The following UBR1 variants were observed in gnomAD, a reference collection of about 807,000 sequenced individuals.
UBR1 encodes the protein ubiquitin protein ligase E3 component n-recognin 1, also known as E3 ubiquitin-protein ligase UBR1.
In UBR1, 102 loss-of-function variants were observed where a neutral mutation model predicts 242.1. The observed-to-expected ratio is 0.42, with a 90% CI of 0.36 to 0.50. The LOEUF is 0.50. Ranked by LOEUF, UBR1 falls within the 20% of genes least tolerant of loss-of-function variation. The pLI is 0.01. For missense variants in UBR1, 1,772 were observed against 2,101.8 expected (o/e 0.84, Z 3.07); for synonymous variants, 675 against 684.8 (o/e 0.99, Z 0.22).
chr15:43,002,831 T>C (rs2032747127), intron 31 of UBR1, 127 bp from the exon 32 acceptor site: 1 of 1,155,418 alleles, frequency 8.7e-7, no homozygotes, highest in Non-Finnish European at 1.3e-6. Context: ...CTTTAGAACA[T>C]ACATGCAAAA....
chr15:42,974,485 C>T (rs954886190), intron 39 of UBR1, among the ~76,000 whole-genome samples: 2 of 152,152 alleles, frequency 1.3e-5, no homozygotes, highest in African/African-American at 4.8e-5. Flanking sequence ...ATAGTAAGTC[C>T]TAAGGTTGGG....
intron 30 of UBR1, among the ~76,000 whole-genome samples, chr15:43,004,200 G>A (rs1567121762): frequency 6.6e-6 from 1 of 152,012 alleles, no homozygotes; most frequent in Admixed American, 6.6e-5. Context: ...CATTATCTTG[G>A]TTATTTAAGT....
intron 40 of UBR1, among the ~76,000 whole-genome samples, chr15:42,968,566 C>A (rs569683204): frequency 6.6e-6 from 1 of 151,824 alleles, no homozygotes; most frequent in Admixed American, 6.6e-5. Context: ...ACGTGCAGAA[C>A]GTGCAGGTTT....
chr15:43,046,516 C>T (rs1009555210), intron 14 of UBR1, among the ~76,000 whole-genome samples: 4 of 151,902 alleles, frequency 2.6e-5, no homozygotes, highest in Non-Finnish European at 5.9e-5. Context: ...GAACCAAGAG[C>T]CTAGGTAGAG....
At position 43,096,399 on chromosome 15, in the gene UBR1, C is replaced by G. The variant is rs558260394; in HGVS notation, c.81+9543G>C. ...CTGGTCTCAAACTCCTGACCTTAGGCAATCCGCCCACCTCGGCCTCCCAAA... is the reference window on the plus strand; with the variant it reads ...CTGGTCTCAAACTCCTGACCTTAGGGAATCCGCCCACCTCGGCCTCCCAAA... On this transcript the variant is annotated intron_variant, in intron 1 of 46. Coordinates refer to ENST00000290650, the MANE Select transcript of UBR1 (RefSeq NM_174916.3). Among the ~76,000 whole-genome samples, 84 of 152,174 alleles carry G rather than the reference C, an allele frequency of 5.5e-4. 1 individual carries two copies. Among genetic ancestry groups the G allele is most frequent in the Admixed American group, 1.2e-3 (18 of 15,286 alleles).
At chr15:42,984,049 T>A in intron 36 of UBR1, 56 bp from the exon 37 acceptor site, 1 of 1,398,702 alleles carries the variant, frequency 7.1e-7, no homozygotes, top group East Asian at 2.4e-5. Context: ...GAGACCTAAG[T>A]CATCCACTTA....
chr15:42,984,034 G>A (rs373289174), intron 36 of UBR1, 41 bp from the exon 37 acceptor site: 2 of 1,490,812 alleles, frequency 1.3e-6, no homozygotes, highest in Admixed American at 1.7e-5. Flanking sequence ...GATGAGGGAA[G>A]ATGAGAGACC....
At chr15:42,995,392 GCTCACGC>G (rs2032621213) in intron 33 of UBR1, among the ~76,000 whole-genome samples, 1 of 151,912 alleles carries the variant, frequency 6.6e-6, no homozygotes, top group African/African-American at 2.4e-5. Context: ...GGGCACGGTG[GCTCACGC>G]CTGTAATCCC....
At chr15:43,026,458 A>G in intron 23 of UBR1, 103 bp downstream of exon 23, 2 of 890,856 alleles carry the variant, frequency 2.2e-6, no homozygotes, top group African/African-American at 3.3e-5. Context: ...ACCTCTATTA[A>G]TAAGAACCAG....
chr15:43,033,672 T>C (rs62020743), intron 19 of UBR1, among the ~76,000 whole-genome samples: 1 of 151,984 alleles, frequency 6.6e-6, no homozygotes, highest in African/African-American at 2.4e-5. Flanking sequence ...AAAAAAAATT[T>C]ATATATTTAT....
At chr15:42,980,672 A>C (rs1291212275) in intron 37 of UBR1, among the ~76,000 whole-genome samples, 1 of 152,116 alleles carries the variant, frequency 6.6e-6, no homozygotes, top group East Asian at 1.9e-4. Flanking sequence ...GCAGTAGTAC[A>C]ATCATGGCTT....
intron 10 of UBR1, among the ~76,000 whole-genome samples, chr15:43,056,796 T>C (rs912303722): frequency 3.9e-5 from 6 of 152,140 alleles, no homozygotes; most frequent in Admixed American, 3.9e-4. Flanking sequence ...CAGCTTCCAC[T>C]CTAATGGTAT....
chr15:42,955,626 C>T (rs538510480), intron 44 of UBR1, among the ~76,000 whole-genome samples: 86 of 152,196 alleles, frequency 5.7e-4, no homozygotes, highest in African/African-American at 1.9e-3. Context: ...ATAGTTACAT[C>T]AACAGAAGTT....
intron 44 of UBR1, among the ~76,000 whole-genome samples, chr15:42,954,166 T>C (rs1802551788): frequency 6.6e-6 from 1 of 152,076 alleles, no homozygotes; most frequent in Non-Finnish European, 1.5e-5. Context: ...GTTACAGACA[T>C]GAGCCACTGT....
At chr15:43,008,999 C>G (rs2032875837) in intron 29 of UBR1, among the ~76,000 whole-genome samples, 1 of 152,220 alleles carries the variant, frequency 6.6e-6, no homozygotes, top group Non-Finnish European at 1.5e-5. Flanking sequence ...CTCCAGTTGT[C>G]CGTGTACCTC....
At chr15:43,088,580 C>G (rs2034066998) in intron 1 of UBR1, among the ~76,000 whole-genome samples, 1 of 151,750 alleles carries the variant, frequency 6.6e-6, no homozygotes, top group Non-Finnish European at 1.5e-5. Flanking sequence ...ACTGTAACCT[C>G]TACTTCCTGG....
At chr15:43,018,150 C>T (rs562387867) in intron 27 of UBR1, among the ~76,000 whole-genome samples, 1 of 151,678 alleles carries the variant, frequency 6.6e-6, no homozygotes, top group South Asian at 2.1e-4. Context: ...CTACAGGTGC[C>T]CGCCATAACG....
At chr15:43,040,689 T>C (rs1240638457) in intron 15 of UBR1, among the ~76,000 whole-genome samples, 1 of 152,186 alleles carries the variant, frequency 6.6e-6, no homozygotes, top group African/African-American at 2.4e-5. Flanking sequence ...TTTTGCAATC[T>C]ACTCATCTGA....
intron 25 of UBR1, among the ~76,000 whole-genome samples, chr15:43,023,095 A>T (rs1040358042): frequency 3.3e-5 from 5 of 151,390 alleles, no homozygotes; most frequent in Non-Finnish European, 7.4e-5. Flanking sequence ...CTGGTCTTAA[A>T]CTCCTGCGCT....
Sources: allele counts gnomAD v4.1 joint callset (sites outside exome capture counted in the v4.1 genomes callset), GRCh38; gene constraint gnomAD v4.1.1; transcripts MANE v1.5; gene names NCBI Gene and HGNC (gene_info 2026-07-23, HGNC 2026-07-21).